MPPED1: variants seen among roughly 807,000 people sequenced by gnomAD.
The protein encoded by MPPED1 is metallophosphoesterase domain containing 1.
A neutral mutation model predicts 36.2 loss-of-function variants in MPPED1; 16 were observed. The observed-to-expected ratio is 0.44, with a 90% CI of 0.30 to 0.67. MPPED1 has a LOEUF of 0.67. MPPED1 is among the 30% of genes least tolerant of loss of function. MPPED1 has a pLI of 0.10. For missense variants in MPPED1, 307 were observed against 453.4 expected, an observed-to-expected ratio of 0.68 and a Z score of 2.93; for synonymous variants, 199 against 191.3, an observed-to-expected ratio of 1.04 and a Z score of -0.33.
rs1340902725 is a variant in MPPED1 at position 43,500,211 on chromosome 22, GTGGGGGTGA to G, written c.748+1865_748+1873del. ...GGTGATGGAGGTGGTAATGGAGGTGGTGGGGGTGATGGTGGAGGTGGTGATGGAGGTGGC... is the reference window on the plus strand; with the variant it reads ...GGTGATGGAGGTGGTAATGGAGGTGGTGGTGGAGGTGGTGATGGAGGTGGC... On this transcript the variant is annotated intron_variant, in intron 5 of 6. Coordinates refer to ENST00000443721, the MANE Select transcript of MPPED1 (RefSeq NM_001044370.2). 1.1e-4 allele frequency among the ~76,000 whole-genome samples: 5 copies of G among 45,314 alleles called. 1 individual carries two copies. The highest frequency in any genetic ancestry group is 2.4e-4 in the Non-Finnish European group (5 of 20,498). 29.7% of individuals were successfully genotyped at this position (45,314 alleles called of 152,430 possible).
intron 2 of MPPED1, among the ~76,000 whole-genome samples, chr22:43,430,639 G>T (rs554111127): frequency 2.0e-5 from 3 of 152,350 alleles, no homozygotes; most frequent in Admixed American, 1.3e-4. Context: ...GAAGCTTTGG[G>T]GAAGTTGAGT....
intron 1 of MPPED1, chr22:43,417,780 C>T (rs904594874): frequency 4.7e-5 from 13 of 274,418 alleles, no homozygotes; most frequent in South Asian, 2.5e-4. Flanking sequence ...CCTGAGCCAC[C>T]GGCCTGAAGA....
intron 3 of MPPED1, among the ~76,000 whole-genome samples, chr22:43,440,233 G>A (rs1007530976): frequency 6.6e-5 from 10 of 152,370 alleles, no homozygotes; most frequent in Non-Finnish European, 1.3e-4. Context: ...GGAGGGCAGC[G>A]CTGTGACACA....
In MPPED1 at chr22:43,505,598, C is replaced by G; in HGVS notation, c.963C>G (p.Pro321=). 6.2e-7 allele frequency: 1 copy of G among 1,611,110 alleles called. No individual in the cohort carries two copies. The change falls in exon 7 of 7, where the codon CCC becomes CCG. Residue 321 remains proline (P), a synonymous_variant. Coordinates refer to ENST00000443721, the MANE Select transcript of MPPED1 (RefSeq NM_001044370.2). ...ACCCGCCCATAGTCATCGACCTCCC[C>G]ACACCCCGGAACTCCTGACTGCTCC... ...PVNPPIVIDL[P]TPRNS
intron 3 of MPPED1, among the ~76,000 whole-genome samples, chr22:43,439,302 A>G (rs1930069699): frequency 6.6e-6 from 1 of 152,256 alleles, no homozygotes; most frequent in South Asian, 2.1e-4. Context: ...CATGAAATAG[A>G]AGTGGCAGCT....
At chr22:43,482,266 G>T (rs1362546344) in intron 4 of MPPED1, among the ~76,000 whole-genome samples, 2 of 152,314 alleles carry the variant, frequency 1.3e-5, no homozygotes, top group East Asian at 3.9e-4. Context: ...AGTCCATCTG[G>T]TCTAATTACT....
chr22:43,425,631 G>A (rs915489430), intron 2 of MPPED1, among the ~76,000 whole-genome samples: 2 of 152,330 alleles, frequency 1.3e-5, no homozygotes, highest in South Asian at 2.1e-4. Flanking sequence ...TCTGATTTAC[G>A]CTCCTCATTG....
intron 3 of MPPED1, among the ~76,000 whole-genome samples, chr22:43,447,467 C>A (rs954644359): frequency 1.3e-5 from 2 of 151,966 alleles, no homozygotes; most frequent in Non-Finnish European, 2.9e-5. Context: ...TGGAAGTTTC[C>A]ACCATCTCCC....
intron 3 of MPPED1, among the ~76,000 whole-genome samples, chr22:43,472,012 G>A (rs992791507): frequency 2.6e-5 from 4 of 152,194 alleles, no homozygotes; most frequent in Non-Finnish European, 5.9e-5. Flanking sequence ...TGCCTGTTAA[G>A]AGTGGGCGGT....
chr22:43,439,382 C>T (rs1036847719), intron 3 of MPPED1, among the ~76,000 whole-genome samples: 10 of 152,224 alleles, frequency 6.6e-5, no homozygotes, highest in African/African-American at 2.2e-4. Flanking sequence ...AAAGAGTGAA[C>T]GCAAAAGCAA....
chr22:43,428,539 G>T (rs530222412), intron 2 of MPPED1, among the ~76,000 whole-genome samples: 6 of 152,268 alleles, frequency 3.9e-5, no homozygotes, highest in African/African-American at 1.2e-4. Context: ...CAGGAGCGGT[G>T]GGGGGATGGC....
At chr22:43,489,522 CA>C (rs1484876187) in intron 4 of MPPED1, among the ~76,000 whole-genome samples, 3 of 147,398 alleles carry the variant, frequency 2.0e-5, no homozygotes, top group Non-Finnish European at 4.5e-5. Flanking sequence ...TGTCCCCTGA[CA>C]TTTTTTTTTT....
intron 3 of MPPED1, among the ~76,000 whole-genome samples, chr22:43,448,713 C>T (rs574078340): frequency 3.3e-5 from 5 of 152,074 alleles, no homozygotes; most frequent in African/African-American, 1.2e-4. Context: ...AGTGATTCTC[C>T]TGCCTCAGCC....
intron 2 of MPPED1, 46 bp from the exon 3 acceptor site, chr22:43,434,988 C>T (rs200330095): frequency 1.6e-4 from 259 of 1,588,936 alleles, no homozygotes; most frequent in African/African-American, 9.2e-4. Context: ...CCCGCAGGCT[C>T]GCGGCTCCAT....
chr22:43,500,258 G>A (rs1458844864), intron 5 of MPPED1, among the ~76,000 whole-genome samples: 1 of 146,078 alleles, frequency 6.8e-6, no homozygotes, highest in African/African-American at 2.7e-5. Flanking sequence ...TGATGATGGT[G>A]GTGATGGTGA....
chr22:43,422,837 T>C (rs575910285), intron 1 of MPPED1, among the ~76,000 whole-genome samples: 21 of 152,272 alleles, frequency 1.4e-4, no homozygotes, highest in African/African-American at 4.8e-4. Flanking sequence ...GTGGCATTGC[T>C]ACTATCAAAT....
rs539309650 is a variant in MPPED1, at chr22:43,459,267, G to A, written c.407-15469G>A. Among the ~76,000 whole-genome samples, 3 of 152,256 alleles carry A rather than the reference G, an allele frequency of 2.0e-5. No homozygotes were observed. In the South Asian group the frequency reaches 6.2e-4, roughly 32 times the overall value. ...AGCTAATTTTTGTATTTTCAGTAGA[G>A]ACGGGGTTTTGCCATGATGGGGTAT... On this transcript the variant is annotated intron_variant, in intron 3 of 6. Transcript: ENST00000443721.
intron 4 of MPPED1, among the ~76,000 whole-genome samples, chr22:43,485,668 A>G (rs1931891809): frequency 6.6e-6 from 1 of 152,134 alleles, no homozygotes; most frequent in Non-Finnish European, 1.5e-5. Context: ...GCCCCTCAAC[A>G]CACGTGTGCA....
chr22:43,447,852 G>A (rs55680340), intron 3 of MPPED1, among the ~76,000 whole-genome samples: 116,136 of 120,416 alleles, frequency 0.96, 56,073 homozygotes, highest in East Asian at 1. Flanking sequence ...TTTTATATAT[G>A]TAAATATTAT....
Sources: gnomAD v4.1 joint callset for allele counts (sites outside exome capture counted in the v4.1 genomes callset) on GRCh38, gnomAD v4.1.1 for gene constraint, MANE v1.5 for transcripts, NCBI Gene and HGNC (gene_info 2026-07-23, HGNC 2026-07-21) for gene names.